Variants in DAPK2 observed in about 807,000 individuals in gnomAD.
DAPK2 encodes the protein death-associated protein kinase 2.
Under a neutral mutation model 44.1 loss-of-function variants are expected in DAPK2, and 35 were observed. The observed-to-expected ratio is 0.79, with a 90% CI of 0.61 to 1.05. The LOEUF is 1.05. DAPK2 is among the 50% of genes least tolerant of loss of function. The probability of loss-of-function intolerance (pLI) is 0.00; values close to 1 mark genes in which losing one functional copy is unlikely to be tolerated. For missense variants in DAPK2, 453 were observed against 483.2 expected (o/e 0.94, Z 0.59); for synonymous variants, 174 against 182.6 (o/e 0.95, Z 0.38).
Position 64,040,246 on chromosome 15 carries a change from T to C in DAPK2, c.16A>G (p.Met6Val), listed in dbSNP as rs138812766. ...AATGGCTCCATGTTTGGACTCCTCA[T>C]TGAGGCCTGGAACATACAATCCTGA... The change falls in exon 1 of 11, where the codon ATG (methionine) becomes GTG (valine). Residue 6 changes from methionine to valine, a missense_variant. By Grantham distance (21) the Met-to-Val change is conservative. Coordinates refer to ENST00000261891, the Ensembl canonical transcript of DAPK2. 2.7e-5 allele frequency: 43 copies of C among 1,613,922 alleles called. No homozygotes were observed. In the African/African-American group the frequency reaches 5.1e-4, roughly 19 times the overall value.
chr15:63,979,093 C>T (rs999445246), intron 2 of DAPK2, among the ~76,000 whole-genome samples: 5 of 152,172 alleles, frequency 3.3e-5, no homozygotes, highest in African/African-American at 1.2e-4. Flanking sequence ...TTTCCACAGG[C>T]TTGGAATCAA....
In DAPK2 at chr15:64,013,960, C is replaced by T. The variant is rs2079454430; in HGVS notation, c.92+26210G>A. On this transcript the variant is annotated intron_variant, in intron 1 of 10. Coordinates refer to ENST00000261891, the Ensembl canonical transcript of DAPK2. The surrounding 1 kb of genome is among the most constrained non-coding windows in gnomAD (Gnocchi z 4.7). ...CTCTGGGTGTGGCTGGCAGCTGTGCCAGAAAGAAACACCTTCTAGCCAGGG... is the reference window on the plus strand; with the variant it reads ...CTCTGGGTGTGGCTGGCAGCTGTGCTAGAAAGAAACACCTTCTAGCCAGGG... Among the ~76,000 whole-genome samples the T allele has an allele frequency of 6.6e-6, 1 of 152,202 alleles. No homozygotes were observed. Among genetic ancestry groups the T allele is most frequent in the Non-Finnish European group, 1.5e-5 (1 of 68,048 alleles).
In DAPK2 at chr15:63,956,877, G is replaced by A. The variant is rs371110809; in HGVS notation, c.453+14546C>T. Among the ~76,000 whole-genome samples, 5 of 152,316 alleles carry A rather than the reference G, an allele frequency of 3.3e-5. No individual in the cohort carries two copies. The East Asian group carries it at 5.8e-4, about 18-fold the overall frequency. On this transcript the variant is annotated intron_variant, in intron 3 of 10. Coordinates refer to ENST00000261891, the Ensembl canonical transcript of DAPK2. ...GCTGGGATTACAGGCGTGAGCCACT[G>A]CACCTGGCCAAAAATTTTTTAAAGA...
At chr15:64,010,700 G>A (rs993392697) in intron 1 of DAPK2, among the ~76,000 whole-genome samples, 2 of 152,114 alleles carry the variant, frequency 1.3e-5, no homozygotes, top group African/African-American at 4.8e-5. Context: ...CCCCACTTCG[G>A]AAAACAATGG....
chr15:64,036,319 GTATATA>G (rs57218056), intron 1 of DAPK2, among the ~76,000 whole-genome samples: 1 of 56,656 alleles, frequency 1.8e-5, no homozygotes, highest in Non-Finnish European at 4.0e-5. Flanking sequence ...GTATATATAT[GTATATA>G]TATATATATA....
Position 64,013,627 on chromosome 15 carries a change from G to C in DAPK2, c.92+26543C>G, listed in dbSNP as rs534901945. 6.6e-6 allele frequency among the ~76,000 whole-genome samples: 1 copy of C among 152,212 alleles called. No individual in the cohort carries two copies. The highest frequency in any genetic ancestry group is 1.5e-5 in the Non-Finnish European group (1 of 68,044). ...CACATTGCCAGAGAAGGAACTGAGC[G>C]CCAGATAAGAATGCATTCCTTCTAA... On this transcript the variant is annotated intron_variant, in intron 1 of 10. Transcript: ENST00000261891. This position sits in a 1 kb window ranked among gnomAD's most constrained non-coding sequence, Gnocchi z 4.7.
At chr15:64,043,651 G>T (rs534126187), upstream of DAPK2, among the ~76,000 whole-genome samples, 1 of 152,204 alleles carries the variant, frequency 6.6e-6, no homozygotes, top group Non-Finnish European at 1.5e-5. Flanking sequence ...GTTGTTTCCT[G>T]ATCTGGGTGG....
intron 1 of DAPK2, among the ~76,000 whole-genome samples, chr15:64,012,524 G>A (rs933542802): frequency 2.0e-5 from 3 of 152,168 alleles, no homozygotes; most frequent in East Asian, 1.9e-4. Context: ...CTATCAAGAC[G>A]GTACTGCTTA....
At chr15:64,014,944 C>A (rs932189211) in intron 1 of DAPK2, among the ~76,000 whole-genome samples, 1 of 141,156 alleles carries the variant, frequency 7.1e-6, no homozygotes, top group Admixed American at 7.1e-5. Context: ...AAAAAAAAAA[C>A]ATTCTGACAT....
At chr15:64,027,210 T>C (rs2079873283) in intron 1 of DAPK2, among the ~76,000 whole-genome samples, 3 of 152,084 alleles carry the variant, frequency 2.0e-5, no homozygotes, top group Admixed American at 2.0e-4. Context: ...GGTGAAACCC[T>C]GTCTCTACTA....
At chr15:63,979,191 T>C (rs2078436141) in intron 2 of DAPK2, among the ~76,000 whole-genome samples, 1 of 152,208 alleles carries the variant, frequency 6.6e-6, no homozygotes, top group African/African-American at 2.4e-5. Context: ...TAGTTCCACA[T>C]GTGACATGAG....
rs1446662698 is a variant in DAPK2, at chr15:63,923,947, A to G, written c.858+869T>C. ...ATCCTTCTGCTGCCTCGGCCTCCCA[A>G]AGTGCTGGGATTACAGGCATGAGCC... On this transcript the variant is annotated intron_variant, in intron 8 of 10. Transcript: ENST00000261891. The surrounding 1 kb of genome is among the most constrained non-coding windows in gnomAD (Gnocchi z 4.2). Among the ~76,000 whole-genome samples the G allele has an allele frequency of 6.6e-6, 1 of 152,118 alleles. No homozygotes were observed. Among genetic ancestry groups the G allele is most frequent in the East Asian group, 1.9e-4 (1 of 5,198 alleles).
chr15:63,976,701 A>AAAAC (rs766386284), intron 2 of DAPK2, among the ~76,000 whole-genome samples: 12 of 152,374 alleles, frequency 7.9e-5, no homozygotes, highest in East Asian at 5.8e-4. Flanking sequence ...ATCGGTCTCA[A>AAAAC]AAACAAACAA....
At position 63,990,647 on chromosome 15, in the gene DAPK2, C is replaced by G. The variant is rs990628073; in HGVS notation, c.93-6893G>C. On this transcript the variant is annotated intron_variant, in intron 1 of 10. Coordinates refer to ENST00000261891, the Ensembl canonical transcript of DAPK2. This position sits in a 1 kb window ranked among gnomAD's most constrained non-coding sequence, Gnocchi z 4.3. The stretch of plus-strand genomic sequence containing the variant: ...TGGGAAGTGTTCCAAAGCAGAGGGT[C>G]GCGGAGACTGGCTTCCTCCTCCTGC... Among the ~76,000 whole-genome samples, 2 of 152,148 alleles carry G rather than the reference C, an allele frequency of 1.3e-5. No homozygotes were observed. Among genetic ancestry groups the G allele is most frequent in the African/African-American group, 2.4e-5 (1 of 41,430 alleles).
intron 3 of DAPK2, among the ~76,000 whole-genome samples, chr15:63,960,682 G>A (rs1280547814): frequency 2.0e-5 from 3 of 152,174 alleles, no homozygotes; most frequent in African/African-American, 4.8e-5. Flanking sequence ...TCTTAATCCC[G>A]AGTTATAGTT....
At chr15:64,044,091 C>T (rs191606453), upstream of DAPK2, among the ~76,000 whole-genome samples, 158 of 152,228 alleles carry the variant, frequency 1.0e-3, 1 homozygote, top group Non-Finnish European at 1.8e-3. Flanking sequence ...CAGCTAGGAC[C>T]CAGATAAGGA....
At chr15:63,949,411 G>T (rs905269428) in intron 3 of DAPK2, among the ~76,000 whole-genome samples, 1 of 152,158 alleles carries the variant, frequency 6.6e-6, no homozygotes, top group Non-Finnish European at 1.5e-5. Flanking sequence ...TGGCTTTATG[G>T]TCTGTGCCAC....
At chr15:64,008,393 T>C (rs1489262022) in intron 1 of DAPK2, among the ~76,000 whole-genome samples, 1 of 152,204 alleles carries the variant, frequency 6.6e-6, no homozygotes, top group Non-Finnish European at 1.5e-5. Flanking sequence ...CTCACAGAGT[T>C]ACAGTCACAG....
intron 3 of DAPK2, among the ~76,000 whole-genome samples, chr15:63,968,843 T>C (rs1167182843): frequency 6.6e-6 from 1 of 152,170 alleles, no homozygotes; most frequent in Non-Finnish European, 1.5e-5. Context: ...TTGGTGCCTG[T>C]TGGGCTCCAG....
Sources: gnomAD v4.1 joint callset for allele counts (sites outside exome capture counted in the v4.1 genomes callset) on GRCh38, gnomAD v4.1.1 for gene constraint, Gnocchi (gnomAD v3.1) non-coding constraint, MANE v1.5 for transcripts, NCBI Gene and HGNC (gene_info 2026-07-23, HGNC 2026-07-21) for gene names.